The following PCBD2 variants were observed in gnomAD, a reference collection of about 807,000 sequenced individuals.
PCBD2 encodes the protein pterin-4-alpha-carbinolamine dehydratase 2.
PCBD2 carries 12 observed loss-of-function variants against 16.4 expected under a neutral mutation model. That is an observed-to-expected ratio of 0.73 (90% CI 0.47 to 1.19). The LOEUF is 1.19. Among genes scored for constraint, PCBD2 ranks in the 50% most tolerant of loss-of-function variants. The probability of loss-of-function intolerance (pLI) is 0.00; values close to 1 mark genes in which losing one functional copy is unlikely to be tolerated. For synonymous variants in PCBD2, 58 were observed against 61.8 expected (o/e 0.94, Z 0.29); for missense variants, 138 against 156.8 (o/e 0.88, Z 0.64).
At chr5:134,926,021 C>T (rs151049968) in intron 2 of PCBD2, 163 of 378,198 alleles carry the variant, frequency 4.3e-4, no homozygotes, top group African/African-American at 5.8e-4. Context: ...ATAATTCCTA[C>T]GCCTTCTCAG....
At chr5:134,947,922 T>C (rs1340223297) in intron 2 of PCBD2, among the ~76,000 whole-genome samples, 1 of 151,940 alleles carries the variant, frequency 6.6e-6, no homozygotes, top group Non-Finnish European at 1.5e-5. Flanking sequence ...CATAAGACTC[T>C]GAAAGCCAAC....
rs184021488 is a variant in PCBD2, at chr5:134,957,325, T to A, written c.217-1715T>A. ...GATAATTAAGTGATAGAATCAGGAT[T>A]TGAATCCAGGACTCCCTGGCTCAAA... On this transcript the variant is annotated intron_variant, in intron 2 of 3. Coordinates refer to ENST00000254908, the MANE Select transcript of PCBD2 (RefSeq NM_032151.5). Among the ~76,000 whole-genome samples the A allele has an allele frequency of 3.9e-5, 6 of 152,258 alleles. No homozygotes were observed. In the East Asian group the frequency reaches 1.2e-3, roughly 29 times the overall value.
rs192285680 is a variant in PCBD2 at position 134,937,595 on chromosome 5, C to T, written c.217-21445C>T. ...CCGCTAATCCAGTGGTTAGCTGTTC[C>T]GGGCTCTAATGCACACTGTTTTACA... is the stretch of plus-strand genomic sequence containing the variant. On this transcript the variant is annotated intron_variant, in intron 2 of 3. Transcript: ENST00000254908. Among the ~76,000 whole-genome samples the T allele has an allele frequency of 1.7e-3, 256 of 152,336 alleles. 1 individual carries two copies. Among genetic ancestry groups the T allele is most frequent in the Middle Eastern group, 6.8e-3 (2 of 294 alleles).
At chr5:134,944,091 G>A (rs988717743) in intron 2 of PCBD2, among the ~76,000 whole-genome samples, 5 of 152,140 alleles carry the variant, frequency 3.3e-5, no homozygotes, top group Non-Finnish European at 4.4e-5. Context: ...TCAGACAGGC[G>A]TTTTGTTTTG....
At chr5:134,927,600 C>G (rs1224765264) in intron 2 of PCBD2, 2 of 396,098 alleles carry the variant, frequency 5.0e-6, no homozygotes, top group African/African-American at 4.2e-5. Flanking sequence ...GAAGTATGTA[C>G]CTGCGTTCAG....
intron 2 of PCBD2, chr5:134,923,564 TTGGACCAGATC>T (rs1235309883): frequency 2.5e-5 from 8 of 323,226 alleles, no homozygotes; most frequent in Non-Finnish European, 3.9e-5. Flanking sequence ...CTCAGATTCA[TTGGACCAGATC>T]TGTTCCGATG....
chr5:134,918,967 A>C (rs570736649), intron 2 of PCBD2, among the ~76,000 whole-genome samples: 1 of 152,244 alleles, frequency 6.6e-6, no homozygotes, highest in African/African-American at 2.4e-5. Flanking sequence ...GTAAAAGCGC[A>C]TGCAACAGAT....
At chr5:134,925,024 T>TG in intron 2 of PCBD2, 1 of 394,796 alleles carries the variant, frequency 2.5e-6, no homozygotes, top group Non-Finnish European at 4.5e-6. Flanking sequence ...GATTGTCATT[T>TG]GGGGGGTGGA....
intron 2 of PCBD2, among the ~76,000 whole-genome samples, chr5:134,950,579 A>C (rs890741001): frequency 1.3e-5 from 2 of 152,208 alleles, no homozygotes; most frequent in Non-Finnish European, 2.9e-5. Flanking sequence ...CTTTAAGAAA[A>C]ATTAAAGTTC....
intron 2 of PCBD2, among the ~76,000 whole-genome samples, chr5:134,951,304 T>G (rs1751356505): frequency 6.6e-6 from 1 of 152,194 alleles, no homozygotes; most frequent in African/African-American, 2.4e-5. Flanking sequence ...TTTTTTTTCA[T>G]TTAGTAATGT....
In PCBD2 at chr5:134,960,715, A is replaced by G. The variant is rs1370346258; in HGVS notation, c.*34A>G. On this transcript the variant is annotated 3_prime_UTR_variant, in exon 4 of 4. Coordinates refer to ENST00000254908, the MANE Select transcript of PCBD2 (RefSeq NM_032151.5). ...AAAATACATGTAAAATCTTGTACAC[A>G]TCTTAGCTGCAATGTATGTTGAAGG... 19 of 1,481,456 alleles carry G rather than the reference A, an allele frequency of 1.3e-5. No individual in the cohort carries two copies. In the Admixed American group the frequency reaches 2.6e-4, roughly 20 times the overall value. The allele number at this position is 1,481,456 out of a possible 1,614,324, so 91.8% of individuals were successfully genotyped here.
chr5:134,954,847 T>G (rs186729340), intron 2 of PCBD2, among the ~76,000 whole-genome samples: 1 of 152,038 alleles, frequency 6.6e-6, no homozygotes, highest in Non-Finnish European at 1.5e-5. Context: ...GTTCCAGTGA[T>G]TCTCCTGCCT....
In PCBD2 at chr5:134,958,354, C is replaced by T. The variant is rs546175753; in HGVS notation, c.217-686C>T. Among the ~76,000 whole-genome samples, 7 of 152,332 alleles carry T rather than the reference C, an allele frequency of 4.6e-5. No homozygotes were observed. In the East Asian group the frequency reaches 7.7e-4, roughly 17 times the overall value. ...AGAGCCCCGTCAGTCCACACTTAGT[C>T]GTGTGACTGGTTTGCAGCCCTCTGC... On this transcript the variant is annotated intron_variant, in intron 2 of 3. Transcript: ENST00000254908.
At chr5:134,958,415 G>A (rs1372743030) in intron 2 of PCBD2, among the ~76,000 whole-genome samples, 2 of 152,194 alleles carry the variant, frequency 1.3e-5, no homozygotes, top group African/African-American at 4.8e-5. Context: ...TGAGGTGGGT[G>A]CACTGTCACC....
Position 134,961,288 on chromosome 5 carries a change from G to A in PCBD2, c.*607G>A, listed in dbSNP as rs1195649671. On this transcript the variant is annotated 3_prime_UTR_variant, in exon 4 of 4. Transcript: ENST00000254908. Reference sequence around the variant, plus strand: ...ATTAATAATATTCAGAAAGAGAAGTGGCTTTTTTTTTTTTTTGAGACGGAG... The same window carrying A: ...ATTAATAATATTCAGAAAGAGAAGTAGCTTTTTTTTTTTTTTGAGACGGAG... 1 of 146,886 alleles carries A rather than the reference G, an allele frequency of 6.8e-6. No homozygotes were observed. Among genetic ancestry groups the A allele is most frequent in the East Asian group, 2.0e-4 (1 of 5,108 alleles). 9.1% of individuals were successfully genotyped at this position (146,886 alleles called of 1,614,324 possible).
chr5:134,915,247 G>A (rs532753568), intron 2 of PCBD2, among the ~76,000 whole-genome samples: 1 of 150,746 alleles, frequency 6.6e-6, no homozygotes, highest in East Asian at 2.0e-4. Context: ...CCTGGGAGGC[G>A]GAGGTTGCAG....
intron 2 of PCBD2, chr5:134,925,693 C>A (rs1750982179): frequency 2.5e-6 from 1 of 397,040 alleles, no homozygotes; most frequent in South Asian, 1.3e-4. Context: ...TAGGAAGACT[C>A]CTGCTACAAC....
chr5:134,927,426 A>G (rs1392307669), intron 2 of PCBD2: 2 of 398,284 alleles, frequency 5.0e-6, no homozygotes, highest in Non-Finnish European at 8.8e-6. Flanking sequence ...TATTTTTACT[A>G]TAAAAGCTAT....
At chr5:134,944,722 C>G (rs1751271166) in intron 2 of PCBD2, among the ~76,000 whole-genome samples, 2 of 152,186 alleles carry the variant, frequency 1.3e-5, no homozygotes, top group Admixed American at 1.3e-4. Context: ...GCTCACAAAC[C>G]TCCTGACATG....
Sources: gnomAD v4.1 joint callset for allele counts (sites outside exome capture counted in the v4.1 genomes callset) on GRCh38, gnomAD v4.1.1 for gene constraint, MANE v1.5 for transcripts, NCBI Gene and HGNC (gene_info 2026-07-23, HGNC 2026-07-21) for gene names.